The following ICAM5 variants were observed in gnomAD, a reference collection of about 807,000 sequenced individuals.
ICAM5 encodes ICAM-5.
A neutral mutation model predicts 78.8 loss-of-function variants in ICAM5; 38 were observed. The observed-to-expected ratio is 0.48, with a 90% CI of 0.37 to 0.63. ICAM5 has a LOEUF of 0.63. Among genes scored for constraint, ICAM5 ranks in the 30% least tolerant of loss-of-function variants. ICAM5 has a pLI of 0.00. For synonymous variants in ICAM5, 544 were observed against 590.9 expected (o/e 0.92, Z 1.15); for missense variants, 1,059 against 1,303.0 (o/e 0.81, Z 2.88).
chr19:10,291,845 G>A (rs1166908231), intron 3 of ICAM5, 36 bp downstream of exon 3: 1 of 1,588,584 alleles, frequency 6.3e-7, no homozygotes, highest in Non-Finnish European at 8.6e-7. Flanking sequence ...GGACCCAGTG[G>A]GGTCGGTCGG....
chr19:10,289,982 T>C lies in ICAM5; in HGVS notation c.-62T>C. On this transcript the variant is annotated 5_prime_UTR_variant, in exon 1 of 11. Transcript: ENST00000221980. Reference sequence around the variant, plus strand: ...CCACCCGCCGCGCCGCGCGGAGCCGTCCTCTAGCCCAGCTCCTCGGCTCGC... The same window carrying C: ...CCACCCGCCGCGCCGCGCGGAGCCGCCCTCTAGCCCAGCTCCTCGGCTCGC... 1.4e-6 allele frequency: 2 copies of C among 1,387,882 alleles called. No individual in the cohort carries two copies. The highest frequency in any genetic ancestry group is 1.9e-6 in the Non-Finnish European group (2 of 1,026,100). 86.0% of individuals were successfully genotyped at this position (1,387,882 alleles called of 1,614,324 possible). A position where few individuals can be genotyped will look rare whatever the true frequency, so the allele number is the denominator to read the frequency against.
In ICAM5 at chr19:10,291,212, G is replaced by C; in HGVS notation, c.223G>C (p.Gly75Arg). 6.2e-7 allele frequency: 1 copy of C among 1,612,390 alleles called. No homozygotes were observed. The highest frequency in any genetic ancestry group is 8.5e-7 in the Non-Finnish European group (1 of 1,179,910). Residue 75 changes from glycine (G) to arginine (R), a missense_variant, in exon 2 of 11, where the codon GGG becomes CGG. Physicochemically the swap from Gly to Arg is moderately radical, Grantham distance 125 (BLOSUM62 -2). Transcript: ENST00000221980. Reference protein sequence around the residue: ...GGLETSLRRNGTQRGLRWLAR... With the variant: ...GGLETSLRRNRTQRGLRWLAR... ...CCTGGAGACCTCGCTGCGCCGAAACGGGACCCAGAGGGGTTTGCGTTGGTT... is the reference window on the plus strand; with the variant it reads ...CCTGGAGACCTCGCTGCGCCGAAACCGGACCCAGAGGGGTTTGCGTTGGTT...
At chr19:10,292,414 A>C in intron 4 of ICAM5, 92 bp downstream of exon 4, 2 of 1,436,640 alleles carry the variant, frequency 1.4e-6, no homozygotes, top group Non-Finnish European at 1.9e-6. Context: ...CAGTACCGGA[A>C]CAGGCGTGGC....
At position 10,294,069 on chromosome 19, in the gene ICAM5, C is replaced by A; in HGVS notation, c.1741C>A (p.Pro581Thr). ...CCCCAGGTTTGAGGAGCCGAGCTGC[C>A]CCAGCAATTGGACATGGGTGGAAGG... ...YGPRFEEPSC[P>T]SNWTWVEGSG... Residue 581 changes from proline (P) to threonine (T), a missense_variant, in exon 8 of 11, where the codon CCC becomes ACC. Physicochemically the swap from Pro to Thr is conservative, Grantham distance 38 (BLOSUM62 -1). Around this residue, in one of 3 missense-constraint regions of ICAM5, gnomAD observed 815 missense variants for 952.8 expected, o/e 0.86. Coordinates refer to ENST00000221980, the MANE Select transcript of ICAM5 (RefSeq NM_003259.4). This position sits in a 1 kb window ranked among gnomAD's most constrained non-coding sequence, Gnocchi z 7.7. 6.3e-7 allele frequency: 1 copy of A among 1,583,592 alleles called. No homozygotes were observed. Among genetic ancestry groups the A allele is most frequent in the Non-Finnish European group, 8.6e-7 (1 of 1,163,610 alleles).
In ICAM5 at chr19:10,293,319, T is replaced by G; in HGVS notation, c.1465+73T>G. The G allele has an allele frequency of 1.3e-6, 2 of 1,506,736 alleles. No homozygotes were observed. The highest frequency in any genetic ancestry group is 1.8e-6 in the Non-Finnish European group (2 of 1,122,978). 93.3% of individuals were successfully genotyped at this position (1,506,736 alleles called of 1,614,324 possible). A position where few individuals can be genotyped will look rare whatever the true frequency, so the allele number is the denominator to read the frequency against. ...AGGGTGGCCAGCCTCCAGGGAAGAGTAGGAGTAGGGTATGAGGTGTCCCTT... is the reference window on the plus strand; with the variant it reads ...AGGGTGGCCAGCCTCCAGGGAAGAGGAGGAGTAGGGTATGAGGTGTCCCTT... On this transcript the variant is annotated intron_variant, in intron 6 of 10. Coordinates refer to ENST00000221980, the MANE Select transcript of ICAM5 (RefSeq NM_003259.4). The surrounding 1 kb of genome is among the most constrained non-coding windows in gnomAD (Gnocchi z 5.0).
rs147604357 is a variant in ICAM5, at chr19:10,293,905, G to A, written c.1673G>A (p.Arg558Gln). 10 of 1,611,048 alleles carry A rather than the reference G, an allele frequency of 6.2e-6. No individual in the cohort carries two copies. The East Asian group carries it at 1.8e-4, about 29-fold the overall frequency. The part of the protein sequence containing the change: ...GTYRCEATNP[R>Q]GSAAKNVAVT... The stretch of plus-strand genomic sequence containing the variant: ...TACCGCTGCGAAGCCACCAACCCTC[G>A]GGGCTCTGCGGCCAAAAATGTGGCC... Residue 558 changes from arginine (R) to glutamine (Q), a missense_variant, in exon 7 of 11, where the codon CGG becomes CAG. Arg to Gln is a conservative substitution (Grantham distance 43). Around this residue, in one of 3 missense-constraint regions of ICAM5, gnomAD observed 815 missense variants for 952.8 expected, o/e 0.86. Coordinates refer to ENST00000221980, the MANE Select transcript of ICAM5 (RefSeq NM_003259.4). This position sits in a 1 kb window ranked among gnomAD's most constrained non-coding sequence, Gnocchi z 5.0.
chr19:10,296,281 G>C (rs1035549970), intron 10 of ICAM5, 58 bp from the exon 11 acceptor site: 1 of 1,223,846 alleles, frequency 8.2e-7, no homozygotes, highest in Non-Finnish European at 1.0e-6. Flanking sequence ...AGTGCGGGGG[G>C]CGGTGGGAGA....
chr19:10,292,375 G>A, intron 4 of ICAM5, 53 bp downstream of exon 4: 1 of 1,521,630 alleles, frequency 6.6e-7, no homozygotes, highest in Non-Finnish European at 8.8e-7. Context: ...AGAGGAATGC[G>A]AAGGCGGGGC....
In ICAM5 at chr19:10,292,682, C is replaced by A. The variant is rs761291282; in HGVS notation, c.1032C>A (p.Cys344Ter). 1 of 1,610,562 alleles carries A rather than the reference C, an allele frequency of 6.2e-7. No homozygotes were observed. Among genetic ancestry groups the A allele is most frequent in the Admixed American group, 1.7e-5 (1 of 58,996 alleles). The change falls in exon 5 of 11, where the codon TGC becomes TGA. Residue 344 changes from cysteine to a stop codon, truncating the protein, a stop_gained. Coordinates refer to ENST00000221980, the MANE Select transcript of ICAM5 (RefSeq NM_003259.4). LOFTEE classifies it high-confidence loss of function. ...AGGGGCAGATGGTGACAGTAACCTG[C>A]GCAGCTGGGGCCCAAGCTCTGGTCA... ...VSEGQMVTVT[C>*]AAGAQALVTL...
intron 4 of ICAM5, 97 bp from the exon 5 acceptor site, chr19:10,292,515 G>T (rs1296895751): frequency 6.8e-7 from 1 of 1,480,310 alleles, no homozygotes; most frequent in African/African-American, 1.4e-5. Context: ...ACCCTAGTTC[G>T]TTCTCAGCAC....
Position 10,296,535 on chromosome 19 carries a change from G to T in ICAM5, c.2694G>T (p.Glu898Asp). ...GGGAGGAAGAEGGPEAAGGAA... is the reference protein window; with the variant it reads ...GGGAGGAAGADGGPEAAGGAA... The stretch of plus-strand genomic sequence containing the variant: ...GCGCTGGCGGGGCGGCAGGCGCGGA[G>T]GGCGGACCCGAGGCGGCGGGGGGCG... The change falls in exon 11 of 11, where the codon GAG becomes GAT. Residue 898 changes from glutamate to aspartate, a missense_variant. This residue lies in a region of ICAM5 where 109 missense variants were observed against 120.0 expected (regional missense o/e 0.91). Transcript: ENST00000221980. The T allele has an allele frequency of 8.2e-7, 1 of 1,224,962 alleles. No homozygotes were observed. Among genetic ancestry groups the T allele is most frequent in the Non-Finnish European group, 1.0e-6 (1 of 974,964 alleles). 75.9% of individuals were successfully genotyped at this position (1,224,962 alleles called of 1,614,324 possible). A position where few individuals can be genotyped will look rare whatever the true frequency, so the allele number is the denominator to read the frequency against.
chr19:10,290,477 A>C lies in ICAM5; in HGVS notation c.82+352A>C. ...TCTTCCCCACTCGCGGTCCGCGAAGACTCCATCTCTCCAACTACCCTGACT... is the reference window on the plus strand; with the variant it reads ...TCTTCCCCACTCGCGGTCCGCGAAGCCTCCATCTCTCCAACTACCCTGACT... On this transcript the variant is annotated intron_variant, in intron 1 of 10. Transcript: ENST00000221980. The surrounding 1 kb of genome is among the most constrained non-coding windows in gnomAD (Gnocchi z 5.7). 3.9e-6 allele frequency: 1 copy of C among 259,258 alleles called. No individual in the cohort carries two copies. 16.1% of individuals were successfully genotyped at this position (259,258 alleles called of 1,614,324 possible). A position where few individuals can be genotyped will look rare whatever the true frequency, so the allele number is the denominator to read the frequency against.
At position 10,295,424 on chromosome 19, in the gene ICAM5, G is replaced by T; in HGVS notation, c.2309G>T (p.Arg770Leu). The change falls in exon 10 of 11, where the codon CGC becomes CTC. Residue 770 changes from arginine (R) to leucine (L), a missense_variant. Coordinates refer to ENST00000221980, the MANE Select transcript of ICAM5 (RefSeq NM_003259.4). ...RPGGNFTLTC[R>L]AEAWPPAQIS... The stretch of plus-strand genomic sequence containing the variant: ...GGAGGAAACTTCACGTTGACCTGCC[G>T]CGCGGAGGCCTGGCCTCCAGCCCAG... 6.2e-7 allele frequency: 1 copy of T among 1,607,992 alleles called. No individual in the cohort carries two copies. The highest frequency in any genetic ancestry group is 8.5e-7 in the Non-Finnish European group (1 of 1,178,974).
In ICAM5 at chr19:10,291,713, G is replaced by A. The variant is rs1423444945; in HGVS notation, c.577G>A (p.Gly193Arg). The change falls in exon 3 of 11, where the codon GGA (glycine) becomes AGA (arginine). Residue 193 changes from glycine (G) to arginine (R), a missense_variant. Gly to Arg is a moderately radical substitution (Grantham distance 125, BLOSUM62 -2). This residue lies in a region of ICAM5 where 815 missense variants were observed against 952.8 expected (regional missense o/e 0.86). Transcript: ENST00000221980. Reference protein sequence around the residue: ...ATVLARREDHGANFSCRAELD... With the variant: ...ATVLARREDHRANFSCRAELD... The stretch of plus-strand genomic sequence containing the variant: ...GGTACTGGCTCGGAGGGAGGACCAT[G>A]GAGCCAATTTCTCGTGTCGCGCCGA... The A allele has an allele frequency of 3.7e-6, 6 of 1,612,680 alleles. No individual in the cohort carries two copies. The highest frequency in any genetic ancestry group is 1.3e-5 in the African/African-American group (1 of 74,932).
chr19:10,292,889 C>T (rs1414723141), intron 5 of ICAM5, 23 bp downstream of exon 5: 2 of 1,606,742 alleles, frequency 1.2e-6, no homozygotes, highest in East Asian at 4.5e-5. Context: ...TAACCCCTCG[C>T]CCCCCACCTT....
Position 10,294,440 on chromosome 19 carries a change from A to G in ICAM5, c.2030A>G (p.Gln677Arg). ...EMDESTCPSHQTWLEGAEASA... is the reference protein window; with the variant it reads ...EMDESTCPSHRTWLEGAEASA... Reference sequence around the variant, plus strand: ...GATGAATCTACCTGCCCAAGTCACCAGACGTGGCTGGAAGGGGCTGAGGCT... The same window carrying G: ...GATGAATCTACCTGCCCAAGTCACCGGACGTGGCTGGAAGGGGCTGAGGCT... Residue 677 changes from glutamine to arginine, a missense_variant, in exon 9 of 11, where the codon CAG becomes CGG. Gln to Arg is a conservative substitution (Grantham distance 43, BLOSUM62 1). This residue lies in a region of ICAM5 where 815 missense variants were observed against 952.8 expected (regional missense o/e 0.86). Coordinates refer to ENST00000221980, the MANE Select transcript of ICAM5 (RefSeq NM_003259.4). This position sits in a 1 kb window ranked among gnomAD's most constrained non-coding sequence, Gnocchi z 7.7. The G allele has an allele frequency of 1.9e-6, 3 of 1,611,206 alleles. No individual in the cohort carries two copies. Among genetic ancestry groups the G allele is most frequent in the Non-Finnish European group, 2.5e-6 (3 of 1,179,080 alleles).
In ICAM5 at chr19:10,292,810, T is replaced by G; in HGVS notation, c.1160T>G (p.Leu387Arg). 6.2e-7 allele frequency: 1 copy of G among 1,612,442 alleles called. No individual in the cohort carries two copies. Among genetic ancestry groups the G allele is most frequent in the South Asian group, 1.1e-5 (1 of 91,030 alleles). Residue 387 changes from leucine to arginine, a missense_variant, in exon 5 of 11, where the codon CTC becomes CGC. By Grantham distance (102) the Leu-to-Arg change is moderately radical. This residue lies in a region of ICAM5 where 815 missense variants were observed against 952.8 expected (regional missense o/e 0.86). Coordinates refer to ENST00000221980, the MANE Select transcript of ICAM5 (RefSeq NM_003259.4). ...CGCAGCTTCTTCTGCGACGCCACCC[T>G]CGATGTGGACGGGGAGACCCTGATC... Reference protein sequence around the residue: ...DRRSFFCDATLDVDGETLIKN... With the variant: ...DRRSFFCDATRDVDGETLIKN...
At chr19:10,291,935 C>A (rs78617778) in intron 3 of ICAM5, 100 bp from the exon 4 acceptor site, 1 of 1,481,624 alleles carries the variant, frequency 6.7e-7, no homozygotes, top group Non-Finnish European at 9.3e-7. Context: ...TTTCCCCCTC[C>A]GTGCCTTGAG....
In ICAM5 at chr19:10,290,767, G is replaced by A; in HGVS notation, c.83-305G>A. The A allele has an allele frequency of 4.1e-6, 2 of 490,652 alleles. No homozygotes were observed. Among genetic ancestry groups the A allele is most frequent in the Non-Finnish European group, 7.2e-6 (2 of 276,020 alleles). 30.4% of individuals were successfully genotyped at this position (490,652 alleles called of 1,614,324 possible). ...CGGGTCCCCTTCTCTCAGCCTTGCTGTGTTCATCCAAGAACCCACCTTTCC... is the reference window on the plus strand; with the variant it reads ...CGGGTCCCCTTCTCTCAGCCTTGCTATGTTCATCCAAGAACCCACCTTTCC... On this transcript the variant is annotated intron_variant, in intron 1 of 10. Coordinates refer to ENST00000221980, the MANE Select transcript of ICAM5 (RefSeq NM_003259.4). The surrounding 1 kb of genome is among the most constrained non-coding windows in gnomAD (Gnocchi z 5.7).
Sources: gnomAD v4.1 joint callset for allele counts on GRCh38, gnomAD v4.1.1 for gene constraint, gnomAD v4.1.1 regional missense constraint, Gnocchi (gnomAD v3.1) non-coding constraint, MANE v1.5 for transcripts, NCBI Gene and HGNC (gene_info 2026-07-23, HGNC 2026-07-21) for gene names.